The following PSMG2 variants were observed in gnomAD, a reference collection of about 807,000 sequenced individuals.
The protein encoded by PSMG2 is CD40 ligand-activated specific transcript 3.
Under a neutral mutation model 31.5 loss-of-function variants are expected in PSMG2, and 21 were observed. The ratio of observed to expected loss-of-function variants is 0.67; its 90% CI spans 0.47 to 0.96. The LOEUF is 0.96. PSMG2 is among the 40% of genes least tolerant of loss of function. The pLI is 0.00. For missense variants in PSMG2, 318 were observed against 321.2 expected, an observed-to-expected ratio of 0.99 and a Z score of 0.08; for synonymous variants, 120 against 110.4, an observed-to-expected ratio of 1.09 and a Z score of -0.54.
chr18:12,720,134 T>G (rs1234631702), intron 4 of PSMG2, among the ~76,000 whole-genome samples: 1 of 152,194 alleles, frequency 6.6e-6, no homozygotes, highest in African/African-American at 2.4e-5. Flanking sequence ...GTAACTGTTT[T>G]AGATGATGTA....
intron 1 of PSMG2, among the ~76,000 whole-genome samples, chr18:12,696,289 G>A (rs934406396): frequency 4.6e-5 from 7 of 152,132 alleles, no homozygotes; most frequent in African/African-American, 1.7e-4. Flanking sequence ...CAGATCACGA[G>A]GTCAAGAGAT....
At chr18:12,678,512 T>C in intron 1 of PSMG2, 1 of 1,030,804 alleles carries the variant, frequency 9.7e-7, no homozygotes, top group Non-Finnish European at 1.4e-6. Flanking sequence ...CTGAGAAAAT[T>C]ATTCTAACAC....
At chr18:12,699,192 GATCA>G, upstream of PSMG2, 1 of 1,610,952 alleles carries the variant, frequency 6.2e-7, no homozygotes, top group Non-Finnish European at 8.5e-7. Context: ...CTCCGTGTTG[GATCA>G]ATATTAGCTG....
At chr18:12,704,896 G>A (rs1387033077) in intron 1 of PSMG2, among the ~76,000 whole-genome samples, 1 of 152,178 alleles carries the variant, frequency 6.6e-6, no homozygotes, top group South Asian at 2.1e-4. Flanking sequence ...GGGAGAACAT[G>A]CTGAGGGAAC....
intron 1 of PSMG2, chr18:12,686,219 C>G: frequency 6.8e-7 from 1 of 1,479,544 alleles, no homozygotes; most frequent in East Asian, 2.3e-5. Context: ...TTCAGAGTAA[C>G]TATGATATAC....
intron 1 of PSMG2, chr18:12,674,649 AT>A (rs753390137): frequency 1.2e-6 from 2 of 1,613,918 alleles, no homozygotes; most frequent in Non-Finnish European, 1.7e-6. Context: ...GAAATTCTTC[AT>A]TGCCTGCTGA....
chr18:12,700,835 A>G, upstream of PSMG2: 1 of 672,050 alleles, frequency 1.5e-6, no homozygotes, highest in Non-Finnish European at 2.5e-6. Context: ...GGACACTAGT[A>G]AACAGAATGA....
upstream of PSMG2, among the ~76,000 whole-genome samples, chr18:12,698,251 CAG>C (rs1338346913): frequency 2.6e-5 from 4 of 151,500 alleles, no homozygotes; most frequent in Non-Finnish European, 5.9e-5. Flanking sequence ...TTTATTTAAA[CAG>C]AGTCTCACTC....
chr18:12,723,977 T>C (rs1209038092), intron 5 of PSMG2, among the ~76,000 whole-genome samples: 1 of 152,194 alleles, frequency 6.6e-6, no homozygotes, highest in East Asian at 1.9e-4. Context: ...ATGGAGCTAA[T>C]TATAGCTTCT....
At chr18:12,705,605 T>G (rs1241401494) in intron 1 of PSMG2, among the ~76,000 whole-genome samples, 24 of 104,504 alleles carry the variant, frequency 2.3e-4, no homozygotes, top group Non-Finnish European at 4.2e-4. Flanking sequence ...GTGTGTGTGT[T>G]TAGTGTGAAA....
upstream of PSMG2, chr18:12,699,955 G>T: frequency 7.9e-7 from 1 of 1,262,050 alleles, no homozygotes; most frequent in Admixed American, 2.4e-5. Flanking sequence ...ACAATTATAG[G>T]TTAAGGAAAT....
At chr18:12,699,002 A>G, upstream of PSMG2, 2 of 1,613,072 alleles carry the variant, frequency 1.2e-6, no homozygotes, top group Non-Finnish European at 1.7e-6. Flanking sequence ...GTGTACTTCA[A>G]GTAAAAAGCC....
At chr18:12,671,883 T>A (rs900295919) in intron 1 of PSMG2, among the ~76,000 whole-genome samples, 5 of 152,136 alleles carry the variant, frequency 3.3e-5, no homozygotes, top group Non-Finnish European at 4.4e-5. Flanking sequence ...TACAGTGGCA[T>A]GATCTTGGCT....
At chr18:12,661,399 C>A (rs2038693338) in intron 1 of PSMG2, 1 of 976,570 alleles carries the variant, frequency 1.0e-6, no homozygotes, top group Non-Finnish European at 1.2e-6. Context: ...GGCTACCAGC[C>A]ATTGATATCT....
At chr18:12,699,373 G>A (rs1387597626), upstream of PSMG2, among the ~76,000 whole-genome samples, 1 of 152,072 alleles carries the variant, frequency 6.6e-6, no homozygotes, top group Non-Finnish European at 1.5e-5. Flanking sequence ...TTTGCACTCT[G>A]GGGAGAAGAT....
At chr18:12,664,698 C>CTTTT (rs76222169) in intron 1 of PSMG2, among the ~76,000 whole-genome samples, 1 of 137,620 alleles carries the variant, frequency 7.3e-6, no homozygotes, top group Non-Finnish European at 1.6e-5. Context: ...TTGTCCTGAT[C>CTTTT]TTTTTTTTTT....
In PSMG2 at chr18:12,694,257, G is replaced by T. The variant is rs9959111; in HGVS notation, c.-36-12293G>T. Among the ~76,000 whole-genome samples, 376 of 152,302 alleles carry T rather than the reference G, an allele frequency of 2.5e-3. 3 individuals carry two copies. The highest frequency in any genetic ancestry group is 8.7e-3 in the African/African-American group (363 of 41,558). ...TTTAAAGAAAACAGGGCAGGACATT[G>T]TTTGCCTGAGGGAGAAGCACTAGCG... is the stretch of plus-strand genomic sequence containing the variant. On this transcript the variant is annotated intron_variant, in intron 1 of 6. Transcript: ENST00000585331.
chr18:12,674,400 C>T, intron 1 of PSMG2: 1 of 631,132 alleles, frequency 1.6e-6, no homozygotes, highest in Non-Finnish European at 2.7e-6. Flanking sequence ...CATAACTGTG[C>T]CACTGTACTC....
At chr18:12,659,312 C>G (rs189911786) in intron 1 of PSMG2, among the ~76,000 whole-genome samples, 1 of 152,258 alleles carries the variant, frequency 6.6e-6, no homozygotes, top group East Asian at 1.9e-4. Context: ...GAGATACCAT[C>G]TTACATACAG....
Sources: allele counts gnomAD v4.1 joint callset (sites outside exome capture counted in the v4.1 genomes callset), GRCh38; gene constraint gnomAD v4.1.1; transcripts MANE v1.5; gene names NCBI Gene and HGNC (gene_info 2026-07-23, HGNC 2026-07-21).